Variants in CCDC180 observed in about 807,000 individuals in gnomAD.
CCDC180 encodes coiled-coil domain containing 180.
CCDC180 carries 154 observed loss-of-function variants against 209.2 expected under a neutral mutation model. The observed-to-expected ratio is 0.74, with a 90% CI of 0.65 to 0.84. CCDC180 has a LOEUF of 0.84. CCDC180 is among the 40% of genes least tolerant of loss of function. CCDC180 has a pLI of 0.00. For synonymous variants in CCDC180, 778 were observed against 749.1 expected (o/e 1.04, Z -0.63); for missense variants, 1,874 against 1,997.3 (o/e 0.94, Z 1.18).
At chr9:97,376,552 A>G in intron 36 of CCDC180, 1 of 484,536 alleles carries the variant, frequency 2.1e-6, no homozygotes, top group Non-Finnish European at 3.7e-6. Context: ...GGGTGACCCC[A>G]GGCCAGGCTC....
chr9:97,343,280 T>A (rs1006005581), intron 18 of CCDC180, 60 bp from the exon 19 acceptor site: 1 of 1,142,138 alleles, frequency 8.8e-7, no homozygotes, highest in Non-Finnish European at 1.3e-6. Context: ...GAACCTGTGG[T>A]TGGCATTCCC....
chr9:97,374,264 A>C, intron 34 of CCDC180: 1 of 404,368 alleles, frequency 2.5e-6, no homozygotes, highest in Non-Finnish European at 4.5e-6. Flanking sequence ...GACTCATGGA[A>C]ACTGCAGCAA....
At chr9:97,328,735 C>T (rs932570030) in intron 16 of CCDC180, among the ~76,000 whole-genome samples, 1 of 152,194 alleles carries the variant, frequency 6.6e-6, no homozygotes, top group Non-Finnish European at 1.5e-5. Context: ...TTCAGCCTGA[C>T]CCCTCATCTC....
chr9:97,371,529 C>CT, intron 33 of CCDC180, 66 bp from the exon 34 acceptor site: 4 of 1,005,626 alleles, frequency 4.0e-6, no homozygotes, highest in Non-Finnish European at 6.1e-6. Context: ...CACCCATCCC[C>CT]TCTTCAGCTG....
At chr9:97,376,637 T>G in intron 36 of CCDC180, 126 bp from the exon 37 acceptor site, 6 of 949,488 alleles carry the variant, frequency 6.3e-6, no homozygotes, top group South Asian at 1.6e-5. Context: ...AGAAGTGACT[T>G]GGAGAACTCT....
Position 97,370,931 on chromosome 9 carries a change from G to GGCA in CCDC180, c.4488+155_4488+156insAGC, listed in dbSNP as rs67839980. On this transcript the variant is annotated intron_variant, in intron 33 of 36. Transcript: ENST00000529487. ...TTTGTAGGTAAAAATGGCCATTATTGGCTGTTTTAACTTGTATACTTTTTT... is the reference window on the plus strand; with the variant it reads ...TTTGTAGGTAAAAATGGCCATTATTGGCAGCTGTTTTAACTTGTATACTTTTTT... 1.0e-5 allele frequency: 5 copies of GGCA among 484,544 alleles called. No homozygotes were observed. The African/African-American group carries it at 1.1e-4, about 11-fold the overall frequency. 30.0% of individuals were successfully genotyped at this position (484,544 alleles called of 1,614,324 possible).
At chr9:97,359,623 A>G (rs1826691437) in intron 25 of CCDC180, among the ~76,000 whole-genome samples, 1 of 152,142 alleles carries the variant, frequency 6.6e-6, no homozygotes, top group Admixed American at 6.5e-5. Flanking sequence ...CTAAACATAG[A>G]ATGTGAGAGC....
intron 19 of CCDC180, among the ~76,000 whole-genome samples, chr9:97,346,451 A>G (rs1361775326): frequency 6.6e-6 from 1 of 152,256 alleles, no homozygotes; most frequent in African/African-American, 2.4e-5. Flanking sequence ...GGAAGAAATG[A>G]TAAGCTGAGA....
chr9:97,351,407 G>A (rs575615233), intron 22 of CCDC180, among the ~76,000 whole-genome samples: 6 of 152,216 alleles, frequency 3.9e-5, no homozygotes, highest in African/African-American at 1.4e-4. Flanking sequence ...TTTCCCTGAC[G>A]ATTAATGCTG....
In CCDC180 at chr9:97,318,466, G is replaced by C. The variant is rs915895627; in HGVS notation, c.963G>C (p.Glu321Asp). 1 of 1,613,494 alleles carries C rather than the reference G, an allele frequency of 6.2e-7. No homozygotes were observed. Among genetic ancestry groups the C allele is most frequent in the Non-Finnish European group, 8.5e-7 (1 of 1,179,768 alleles). The change falls in exon 10 of 37, where the codon GAG (glutamate) becomes GAC (aspartate). Residue 321 changes from glutamate (E) to aspartate (D), a missense_variant. Physicochemically the swap from Glu to Asp is conservative, Grantham distance 45 (BLOSUM62 2). Transcript: ENST00000529487. ...TGCCAACATGTCTGGCCACCAGTGA[G>C]TTCATGGCCAGTGAGAGTATCCATA... ...KKEALLQSFS[E>D]FMASESIHTP...
At chr9:97,313,401 G>A in intron 5 of CCDC180, 56 bp downstream of exon 5, 1 of 1,298,322 alleles carries the variant, frequency 7.7e-7, no homozygotes, top group Non-Finnish European at 1.1e-6. Context: ...AAAGGTGGGT[G>A]TGTCATGGCT....
rs1369215340 is a variant in CCDC180, at chr9:97,377,993, G to T, written c.*1099G>T. 1.3e-5 allele frequency: 2 copies of T among 152,160 alleles called. No homozygotes were observed. The highest frequency in any genetic ancestry group is 2.9e-5 in the Non-Finnish European group (2 of 68,032). The allele number at this position is 152,160 out of a possible 1,614,324, so 9.4% of individuals were successfully genotyped here. ...GATCATCTGAGCTCAGGAGTTCGGG[G>T]CCAGCTGAGGCAACATGACGAAACC... On this transcript the variant is annotated 3_prime_UTR_variant, in exon 37 of 37. Transcript: ENST00000529487.
rs1249938203 is a variant in CCDC180 at position 97,325,148 on chromosome 9, A to AAG, written c.1504_1505dup (p.Met503GlyfsTer27). The AAG allele has an allele frequency of 6.2e-7, 1 of 1,610,902 alleles. No individual in the cohort carries two copies. Among genetic ancestry groups the AAG allele is most frequent in the East Asian group, 2.2e-5 (1 of 44,826 alleles). On this transcript the variant is annotated frameshift_variant, in exon 14 of 37. Coordinates refer to ENST00000529487, the MANE Select transcript of CCDC180 (RefSeq NM_020893.6). LOFTEE classifies it high-confidence loss of function. ...GTTGGTGCAGGAGCTGGAGCTGGAG[A>AAG]AGAGGATGGAGCAGCACCGGCAGAA... is the stretch of plus-strand genomic sequence containing the variant.
chr9:97,345,292 G>T (rs1826219484), intron 19 of CCDC180, among the ~76,000 whole-genome samples: 1 of 152,194 alleles, frequency 6.6e-6, no homozygotes, highest in South Asian at 2.1e-4. Context: ...ATACTACAAG[G>T]AGTTTTCAAA....
intron 11 of CCDC180, 103 bp downstream of exon 11, chr9:97,320,308 G>A: frequency 2.8e-6 from 3 of 1,082,298 alleles, no homozygotes; most frequent in Middle Eastern, 2.4e-4. Context: ...TCATGGGGAG[G>A]AGGGATGGGG....
At position 97,370,761 on chromosome 9, in the gene CCDC180, A is replaced by G; in HGVS notation, c.4471A>G (p.Asn1491Asp). The G allele has an allele frequency of 6.2e-7, 1 of 1,614,014 alleles. No homozygotes were observed. The highest frequency in any genetic ancestry group is 8.5e-7 in the Non-Finnish European group (1 of 1,179,964). The change falls in exon 33 of 37, where the codon AAC becomes GAC. Residue 1491 changes from asparagine to aspartate, a missense_variant. Physicochemically the swap from Asn to Asp is conservative, Grantham distance 23 (BLOSUM62 1). Coordinates refer to ENST00000529487, the MANE Select transcript of CCDC180 (RefSeq NM_020893.6). Reference sequence around the variant, plus strand: ...AGAGCTGGACAGCATGATTAGGATGAACAAGGAGAAGCTGGAGGTCAGTGA... The same window carrying G: ...AGAGCTGGACAGCATGATTAGGATGGACAAGGAGAAGCTGGAGGTCAGTGA... The part of the protein sequence containing the change: ...QEELDSMIRM[N>D]KEKLEECTRR...
In CCDC180 at chr9:97,308,056, C is replaced by T; in HGVS notation, c.-8C>T. 1 of 1,613,348 alleles carries T rather than the reference C, an allele frequency of 6.2e-7. No individual in the cohort carries two copies. On this transcript the variant is annotated 5_prime_UTR_variant, in exon 2 of 37. Coordinates refer to ENST00000529487, the MANE Select transcript of CCDC180 (RefSeq NM_020893.6). ...CTTCCCGGCAGGGGCATCCAGCCAG[C>T]GGCCAAGATGTCGTCAGTGGGGAAG... is the stretch of plus-strand genomic sequence containing the variant.
At chr9:97,323,170 A>T in intron 12 of CCDC180, among the ~76,000 whole-genome samples, 1 of 152,018 alleles carries the variant, frequency 6.6e-6, no homozygotes, top group East Asian at 1.9e-4. Flanking sequence ...TCCCCTCCCC[A>T]GCTATCCCTG....
At chr9:97,371,908 A>G in intron 34 of CCDC180, 1 of 418,348 alleles carries the variant, frequency 2.4e-6, no homozygotes, top group East Asian at 3.3e-5. Flanking sequence ...ATAAAAAATG[A>G]AACCCTATTA....
Sources: gnomAD v4.1 joint callset for allele counts (sites outside exome capture counted in the v4.1 genomes callset) on GRCh38, gnomAD v4.1.1 for gene constraint, MANE v1.5 for transcripts, NCBI Gene and HGNC (gene_info 2026-07-23, HGNC 2026-07-21) for gene names.